NALCN: variants seen among roughly 807,000 people sequenced by gnomAD.
NALCN encodes the protein sodium leak channel, non-selective.
Under a neutral mutation model 225.3 loss-of-function variants are expected in NALCN, and 111 were observed. The ratio of observed to expected loss-of-function variants is 0.49; its 90% CI spans 0.42 to 0.58. The LOEUF is 0.58. NALCN is among the 20% of genes least tolerant of loss of function. The probability of loss-of-function intolerance (pLI) is 0.00; values close to 1 mark genes in which losing one functional copy is unlikely to be tolerated. For synonymous variants in NALCN, 764 were observed against 769.0 expected (o/e 0.99, Z 0.11); for missense variants, 1,378 against 2,202.4 (o/e 0.63, Z 7.49).
intron 7 of NALCN, among the ~76,000 whole-genome samples, chr13:101,340,123 C>T (rs1344438636): frequency 6.6e-6 from 1 of 151,930 alleles, no homozygotes; most frequent in East Asian, 1.9e-4. Flanking sequence ...AAAAAATTAG[C>T]CAGGCATGGT....
chr13:101,100,568 A>G, intron 27 of NALCN, among the ~76,000 whole-genome samples: 1 of 152,162 alleles, frequency 6.6e-6, no homozygotes, highest in South Asian at 2.1e-4. Flanking sequence ...GGGAGTGTAA[A>G]CACCTTATTA....
chr13:101,316,345 T>G (rs1417315271), intron 7 of NALCN, among the ~76,000 whole-genome samples: 27 of 152,220 alleles, frequency 1.8e-4, no homozygotes, highest in Non-Finnish European at 2.9e-5. Flanking sequence ...AGAGGAGTCC[T>G]AAGTACCCAG....
rs115056687 is a variant in NALCN, at chr13:101,315,786, T to C, written c.800-23420A>G. Among the ~76,000 whole-genome samples the C allele has an allele frequency of 6.6e-3, 1,011 of 152,264 alleles. 11 individuals carry two copies. Among genetic ancestry groups the C allele is most frequent in the African/African-American group, 0.023 (939 of 41,534 alleles). The stretch of plus-strand genomic sequence containing the variant: ...ACACTAGAAAGCATATACTTAGAAA[T>C]ACCAGACTCTTTTACCCTAAGAGGG... On this transcript the variant is annotated intron_variant, in intron 7 of 43. Transcript: ENST00000251127.
At chr13:101,158,836 A>C (rs1359477696) in intron 15 of NALCN, among the ~76,000 whole-genome samples, 1 of 152,146 alleles carries the variant, frequency 6.6e-6, no homozygotes, top group Non-Finnish European at 1.5e-5. Context: ...CTCCGTAAAC[A>C]CTGCTACTGA....
intron 41 of NALCN, 120 bp from the exon 42 acceptor site, chr13:101,060,087 G>A: frequency 8.8e-7 from 1 of 1,135,350 alleles, no homozygotes; most frequent in Non-Finnish European, 1.2e-6. Context: ...TGACCTCTTA[G>A]GAATTTCCAA....
Position 101,311,237 on chromosome 13 carries a change from T to C in NALCN, c.800-18871A>G, listed in dbSNP as rs562500999. On this transcript the variant is annotated intron_variant, in intron 7 of 43. Transcript: ENST00000251127. The stretch of plus-strand genomic sequence containing the variant: ...TATCCTGAGACTTTGCTGAAGTTGC[T>C]TATCAGCTTAAGGAGATTTTGGGCT... 2.4e-4 allele frequency among the ~76,000 whole-genome samples: 36 copies of C among 151,760 alleles called. No individual in the cohort carries two copies. In the East Asian group the frequency reaches 3.9e-3, roughly 16 times the overall value.
chr13:101,296,157 G>A (rs1196802158), intron 7 of NALCN, among the ~76,000 whole-genome samples: 2 of 152,084 alleles, frequency 1.3e-5, no homozygotes, highest in African/African-American at 2.4e-5. Flanking sequence ...CATGTCACTC[G>A]TCATACTGAA....
intron 15 of NALCN, among the ~76,000 whole-genome samples, chr13:101,163,058 C>T (rs1037540850): frequency 1.2e-4 from 19 of 152,224 alleles, no homozygotes; most frequent in South Asian, 2.1e-4. Flanking sequence ...CCCGCCACTA[C>T]GCCTGGCTAA....
At chr13:101,102,371 A>G (rs1160789131) in intron 26 of NALCN, among the ~76,000 whole-genome samples, 2 of 152,202 alleles carry the variant, frequency 1.3e-5, no homozygotes, top group Non-Finnish European at 2.9e-5. Flanking sequence ...GTCAACTACA[A>G]CTACAGCTGT....
chr13:101,412,030 C>G (rs1315788908), intron 1 of NALCN, among the ~76,000 whole-genome samples: 1 of 152,142 alleles, frequency 6.6e-6, no homozygotes, highest in Non-Finnish European at 1.5e-5. Flanking sequence ...ATTTCTGAAG[C>G]ATTTGATCAC....
chr13:101,264,898 G>A (rs2042549142), intron 10 of NALCN, among the ~76,000 whole-genome samples: 1 of 152,140 alleles, frequency 6.6e-6, no homozygotes, highest in African/African-American at 2.4e-5. Context: ...CAACCATTTG[G>A]AGGCATTATA....
intron 28 of NALCN, among the ~76,000 whole-genome samples, chr13:101,090,768 G>A (rs1332842658): frequency 6.6e-6 from 1 of 152,082 alleles, no homozygotes; most frequent in Non-Finnish European, 1.5e-5. Context: ...TTACATGGGT[G>A]TATTGCATAA....
intron 15 of NALCN, among the ~76,000 whole-genome samples, chr13:101,174,809 T>C (rs1023423370): frequency 6.6e-6 from 1 of 152,220 alleles, no homozygotes; most frequent in African/African-American, 2.4e-5. Context: ...TTTTAAATTT[T>C]ATCTATAGAA....
intron 10 of NALCN, among the ~76,000 whole-genome samples, chr13:101,283,299 A>C (rs529400778): frequency 5.8e-4 from 88 of 152,272 alleles, no homozygotes; most frequent in Middle Eastern, 3.4e-3. Context: ...TGAAGAAGAG[A>C]TAAAGGAGTT....
chr13:101,078,920 G>T (rs1340767210), intron 34 of NALCN, among the ~76,000 whole-genome samples: 1 of 152,130 alleles, frequency 6.6e-6, no homozygotes, highest in Non-Finnish European at 1.5e-5. Flanking sequence ...TGAATTAAGG[G>T]AGGCAGTTTC....
chr13:101,298,742 G>T (rs188021361), intron 7 of NALCN, among the ~76,000 whole-genome samples: 6 of 152,326 alleles, frequency 3.9e-5, no homozygotes, highest in African/African-American at 7.2e-5. Flanking sequence ...TAATGGGAAG[G>T]TCTGTCCTAT....
chr13:101,253,934 A>G (rs2042136368), intron 11 of NALCN, among the ~76,000 whole-genome samples: 1 of 152,256 alleles, frequency 6.6e-6, no homozygotes, highest in Non-Finnish European at 1.5e-5. Context: ...AGAATATATT[A>G]TGAAAAAGTA....
intron 10 of NALCN, 85 bp from the exon 11 acceptor site, chr13:101,258,659 C>A: frequency 6.4e-7 from 1 of 1,568,784 alleles, no homozygotes; most frequent in Non-Finnish European, 8.7e-7. Flanking sequence ...GCTGACAGCA[C>A]CTTTGTGATG....
intron 15 of NALCN, among the ~76,000 whole-genome samples, chr13:101,165,588 G>A (rs2038399785): frequency 6.6e-6 from 1 of 152,116 alleles, no homozygotes; most frequent in African/African-American, 2.4e-5. Context: ...TTTCACCTTG[G>A]CCACCTACGT....
Sources: allele counts gnomAD v4.1 joint callset (sites outside exome capture counted in the v4.1 genomes callset), GRCh38; gene constraint gnomAD v4.1.1; transcripts MANE v1.5; gene names NCBI Gene and HGNC (gene_info 2026-07-23, HGNC 2026-07-21).